NXPE4: variants seen among roughly 807,000 people sequenced by gnomAD.
NXPE4 encodes neurexophilin and PC-esterase domain family member 4.
NXPE4 carries 42 observed loss-of-function variants against 33.3 expected under a neutral mutation model. The observed-to-expected ratio is 1.26, with a 90% CI of 0.98 to 1.63. The LOEUF (loss-of-function observed/expected upper bound fraction) is 1.63, where lower values mean the gene tolerates loss of function less well. Ranked by LOEUF, NXPE4 falls within the 40% of genes most tolerant of loss-of-function variation. The pLI is 0.00. For missense variants in NXPE4, 709 were observed against 647.6 expected, an observed-to-expected ratio of 1.09 and a Z score of -1.03; for synonymous variants, 253 against 234.9, an observed-to-expected ratio of 1.08 and a Z score of -0.71.
At chr11:114,635,297 T>C in the NXPE4 span, among the ~76,000 whole-genome samples, 1 of 149,978 alleles carries the variant, frequency 6.7e-6, no homozygotes, top group East Asian at 1.9e-4. Flanking sequence ...ATGGTTGTGA[T>C]TTTTGTACAT....
the NXPE4 span, among the ~76,000 whole-genome samples, chr11:114,611,534 A>G: frequency 6.6e-6 from 1 of 151,840 alleles, no homozygotes; most frequent in African/African-American, 2.4e-5. Context: ...TACCCGGTTT[A>G]TAATAAGTGT....
chr11:114,644,406 C>G, the NXPE4 span, among the ~76,000 whole-genome samples: 1 of 151,986 alleles, frequency 6.6e-6, no homozygotes, highest in Non-Finnish European at 1.5e-5. Context: ...ATAAATTGCT[C>G]TTATTATTTT....
the NXPE4 span, among the ~76,000 whole-genome samples, chr11:114,657,824 A>G: frequency 6.6e-6 from 1 of 152,284 alleles, no homozygotes; most frequent in Non-Finnish European, 1.5e-5. Context: ...TTTCACTTAC[A>G]AATCAGCTTC....
chr11:114,576,676 C>A (rs928107453), intron 5 of NXPE4, among the ~76,000 whole-genome samples: 4 of 151,010 alleles, frequency 2.6e-5, no homozygotes, highest in East Asian at 2.0e-4. Context: ...AGGCCATATT[C>A]AAAAAAAATC....
chr11:114,632,602 T>C, the NXPE4 span, among the ~76,000 whole-genome samples: 2 of 105,014 alleles, frequency 1.9e-5, no homozygotes, highest in African/African-American at 3.9e-5. Flanking sequence ...TTGATGTATA[T>C]ATTTATATTT....
chr11:114,584,326 T>C (rs1361743871), intron 2 of NXPE4: 2 of 489,534 alleles, frequency 4.1e-6, no homozygotes, highest in Non-Finnish European at 8.3e-6. Context: ...CACTAATGAG[T>C]ACCTGGAGAA....
chr11:114,573,138 T>A (rs1443463185), intron 5 of NXPE4, among the ~76,000 whole-genome samples: 1 of 152,048 alleles, frequency 6.6e-6, no homozygotes, highest in East Asian at 1.9e-4. Context: ...GAAAAGATAG[T>A]CTTTTCGAGA....
the NXPE4 span, among the ~76,000 whole-genome samples, chr11:114,640,252 A>G: frequency 2.1e-5 from 3 of 141,968 alleles, no homozygotes; most frequent in Non-Finnish European, 3.0e-5. Flanking sequence ...TATAAAATAT[A>G]AAATATATAG....
rs1415174458 is a variant in NXPE4, at chr11:114,583,183, A to C, written c.97-162T>G. On this transcript the variant is annotated intron_variant, in intron 2 of 5. Transcript: ENST00000375478. ...ACATACTATTATCAATATTATTTAA[A>C]TTCTCCAATAAAAAGGCATAGAATG... 5 of 840,294 alleles carry C rather than the reference A, an allele frequency of 6.0e-6. No individual in the cohort carries two copies. The African/African-American group carries it at 8.6e-5, about 15-fold the overall frequency. The allele number at this position is 840,294 out of a possible 1,614,324, so 52.1% of individuals were successfully genotyped here.
At chr11:114,673,866 T>C in the NXPE4 span, among the ~76,000 whole-genome samples, 2 of 151,812 alleles carry the variant, frequency 1.3e-5, no homozygotes, top group African/African-American at 4.8e-5. Context: ...AGGAAATTCT[T>C]TGTGAATTCC....
the NXPE4 span, among the ~76,000 whole-genome samples, chr11:114,601,712 T>G: frequency 1.4e-5 from 1 of 70,752 alleles, no homozygotes; most frequent in African/African-American, 5.7e-5. Context: ...CTTTATATAT[T>G]ATATATTATA....
intron 4 of NXPE4, among the ~76,000 whole-genome samples, 193 bp from the exon 5 acceptor site, chr11:114,580,531 C>G (rs552417371): frequency 3.3e-5 from 5 of 151,946 alleles, no homozygotes; most frequent in Non-Finnish European, 7.4e-5. Flanking sequence ...TGTGAATTTC[C>G]TAAATAATGT....
At chr11:114,663,674 CTATT>C in the NXPE4 span, among the ~76,000 whole-genome samples, 505 of 126,124 alleles carry the variant, frequency 4.0e-3, 4 homozygotes, top group African/African-American at 0.014. Flanking sequence ...TATCATCTAT[CTATT>C]TATCTATCTA....
the NXPE4 span, among the ~76,000 whole-genome samples, chr11:114,632,471 T>C: frequency 2.3e-5 from 3 of 128,608 alleles, no homozygotes; most frequent in Non-Finnish European, 4.7e-5. Flanking sequence ...ACATTATATA[T>C]ACTATATAAT....
At chr11:114,646,262 A>G in the NXPE4 span, among the ~76,000 whole-genome samples, 2 of 151,884 alleles carry the variant, frequency 1.3e-5, no homozygotes, top group African/African-American at 4.8e-5. Flanking sequence ...TGAGGGCTCT[A>G]TTCTACTTCT....
chr11:114,620,665 T>C, the NXPE4 span, among the ~76,000 whole-genome samples: 1 of 151,396 alleles, frequency 6.6e-6, no homozygotes, highest in Non-Finnish European at 1.5e-5. Context: ...CAGTGGAGAA[T>C]AAATATTGTC....
intron 2 of NXPE4, among the ~76,000 whole-genome samples, chr11:114,592,233 G>T (rs143221126): frequency 1.5e-3 from 231 of 152,178 alleles, no homozygotes; most frequent in African/African-American, 5.1e-3. Flanking sequence ...AAATTAAATT[G>T]TCCCTGTTTG....
the NXPE4 span, among the ~76,000 whole-genome samples, chr11:114,614,128 C>G: frequency 6.6e-6 from 1 of 151,614 alleles, no homozygotes; most frequent in Non-Finnish European, 1.5e-5. Context: ...CCAGTGTTAC[C>G]TGCTGGATAA....
chr11:114,624,568 C>T, the NXPE4 span, among the ~76,000 whole-genome samples: 3 of 151,642 alleles, frequency 2.0e-5, no homozygotes, highest in South Asian at 2.1e-4. Context: ...AGTATTGCCC[C>T]GTGGGTAACC....
Sources: allele counts gnomAD v4.1 joint callset (sites outside exome capture counted in the v4.1 genomes callset), GRCh38; gene constraint gnomAD v4.1.1; transcripts MANE v1.5; gene names NCBI Gene and HGNC (gene_info 2026-07-23, HGNC 2026-07-21).